Variants in PPP1R21 observed in about 807,000 individuals in gnomAD.
PPP1R21 encodes the protein protein phosphatase 1 regulatory subunit 21.
In PPP1R21, 85 loss-of-function variants were observed where a neutral mutation model predicts 112.8. The ratio of observed to expected loss-of-function variants is 0.75; its 90% confidence interval spans 0.63 to 0.90. PPP1R21 has a LOEUF of 0.90. Ranked by LOEUF, PPP1R21 falls within the 40% of genes least tolerant of loss-of-function variation. PPP1R21 has a pLI of 0.00. For missense variants in PPP1R21, 1,199 were observed against 901.5 expected, an observed-to-expected ratio of 1.33 and a Z score of -4.23; for synonymous variants, 381 against 322.3, an observed-to-expected ratio of 1.18 and a Z score of -1.95.
intron 9 of PPP1R21, 63 bp from the exon 10 acceptor site, chr2:48,471,024 G>C (rs1668473319): frequency 1.7e-6 from 2 of 1,154,584 alleles, no homozygotes; most frequent in Non-Finnish European, 2.6e-6. Context: ...GGTCCATTTA[G>C]AAATGTGTTG....
At chr2:48,447,125 A>G (rs1326037615) in intron 1 of PPP1R21, among the ~76,000 whole-genome samples, 1 of 152,226 alleles carries the variant, frequency 6.6e-6, no homozygotes, top group Non-Finnish European at 1.5e-5. Context: ...GAATAGTTTA[A>G]TTTTAAAGAG....
chr2:48,447,856 A>C (rs1667315728), intron 1 of PPP1R21, among the ~76,000 whole-genome samples: 3 of 152,180 alleles, frequency 2.0e-5, no homozygotes, highest in Admixed American at 6.5e-5. Flanking sequence ...AGGCTGAGGC[A>C]GGAGAATCGC....
chr2:48,514,280 G>T (rs545888715), intron 21 of PPP1R21, among the ~76,000 whole-genome samples: 1 of 152,088 alleles, frequency 6.6e-6, no homozygotes, highest in East Asian at 1.9e-4. Context: ...TAGAGACGGG[G>T]TTTCACCATG....
chr2:48,479,719 A>G (rs1668920092), intron 12 of PPP1R21, among the ~76,000 whole-genome samples: 1 of 152,224 alleles, frequency 6.6e-6, no homozygotes, highest in South Asian at 2.1e-4. Context: ...ATTAAAAAAT[A>G]TTTGTGGACA....
intron 3 of PPP1R21, among the ~76,000 whole-genome samples, chr2:48,455,300 C>T (rs1253605218): frequency 1.3e-5 from 2 of 152,026 alleles, no homozygotes; most frequent in Non-Finnish European, 2.9e-5. Flanking sequence ...GCATGTGGCA[C>T]TCCCAGCTAA....
intron 9 of PPP1R21, among the ~76,000 whole-genome samples, chr2:48,470,705 G>T (rs1304962192): frequency 1.3e-5 from 2 of 151,998 alleles, no homozygotes; most frequent in Non-Finnish European, 2.9e-5. Context: ...TTGTTTGTTT[G>T]TTTTTATACT....
chr2:48,494,778 T>C (rs1335294743), intron 15 of PPP1R21, among the ~76,000 whole-genome samples: 2 of 152,156 alleles, frequency 1.3e-5, no homozygotes, highest in African/African-American at 4.8e-5. Flanking sequence ...AGTGCAGTGA[T>C]GCAATCTCTG....
chr2:48,455,958 C>T (rs1003924048), intron 3 of PPP1R21, among the ~76,000 whole-genome samples: 4 of 140,092 alleles, frequency 2.9e-5, no homozygotes, highest in Non-Finnish European at 6.0e-5. Context: ...GAGTTTGCAG[C>T]GAGCCGAGAT....
At chr2:48,464,914 T>G in intron 7 of PPP1R21, 23 bp from the exon 8 acceptor site, 1 of 1,550,234 alleles carries the variant, frequency 6.5e-7, no homozygotes, top group South Asian at 1.2e-5. Context: ...AGAGACTTAA[T>G]GTACATTATT....
intron 16 of PPP1R21, 58 bp from the exon 17 acceptor site, chr2:48,498,435 G>T: frequency 1.3e-6 from 2 of 1,573,620 alleles, no homozygotes; most frequent in South Asian, 2.3e-5. Flanking sequence ...ATAGTTTTTG[G>T]GCCACTAAGG....
chr2:48,478,642 C>G (rs137880862), intron 12 of PPP1R21, among the ~76,000 whole-genome samples: 15 of 152,202 alleles, frequency 9.9e-5, no homozygotes, highest in Admixed American at 6.5e-4. Flanking sequence ...CTAGTGTACA[C>G]CTAGCAGGTA....
intron 12 of PPP1R21, among the ~76,000 whole-genome samples, chr2:48,477,504 A>C (rs1668811343): frequency 6.6e-6 from 1 of 152,062 alleles, no homozygotes; most frequent in Admixed American, 6.6e-5. Context: ...TTCCTTATTG[A>C]ATGGTCTGGG....
rs1667999585 is a variant in PPP1R21 at position 48,462,012 on chromosome 2, C to T, written c.694+780C>T. 2.0e-5 allele frequency among the ~76,000 whole-genome samples: 3 copies of T among 152,126 alleles called. No homozygotes were observed. The South Asian group carries it at 6.2e-4, about 31-fold the overall frequency. Reference sequence around the variant, plus strand: ...TATTGTATCAAAAATTTAAATTCCCCTTTGAAAATAACACCTGCTTCTAGC... The same window carrying T: ...TATTGTATCAAAAATTTAAATTCCCTTTTGAAAATAACACCTGCTTCTAGC... On this transcript the variant is annotated intron_variant, in intron 7 of 21. Transcript: ENST00000294952.
At chr2:48,478,527 C>T (rs1668858407) in intron 12 of PPP1R21, among the ~76,000 whole-genome samples, 1 of 152,180 alleles carries the variant, frequency 6.6e-6, no homozygotes, top group African/African-American at 2.4e-5. Context: ...TTAAGCTCTG[C>T]TGATTGCTGA....
intron 18 of PPP1R21, among the ~76,000 whole-genome samples, chr2:48,506,697 G>A (rs532081845): frequency 6.6e-6 from 1 of 152,204 alleles, no homozygotes; most frequent in African/African-American, 2.4e-5. Context: ...TGTAATCCCA[G>A]CACTTTGGGA....
chr2:48,446,912 G>T (rs564101742), intron 1 of PPP1R21, among the ~76,000 whole-genome samples: 5 of 151,926 alleles, frequency 3.3e-5, no homozygotes, highest in Non-Finnish European at 1.5e-5. Context: ...CACCATGCCC[G>T]GCTAATTTTT....
At chr2:48,461,810 CT>C (rs150262522) in intron 7 of PPP1R21, among the ~76,000 whole-genome samples, 4,428 of 152,094 alleles carry the variant, frequency 0.029, 199 homozygotes, top group African/African-American at 0.1. Context: ...AAAATATTTG[CT>C]TGTTTGGATT....
At chr2:48,494,045 G>A (rs1416733958) in intron 15 of PPP1R21, among the ~76,000 whole-genome samples, 4 of 117,694 alleles carry the variant, frequency 3.4e-5, no homozygotes, top group Non-Finnish European at 5.0e-5. Flanking sequence ...AACATAGGGA[G>A]ACCTCGTCTC....
intron 3 of PPP1R21, among the ~76,000 whole-genome samples, chr2:48,457,009 A>G (rs897814833): frequency 2.0e-5 from 3 of 151,882 alleles, no homozygotes; most frequent in African/African-American, 7.3e-5. Context: ...CCGAGATCAC[A>G]CCATTGCACT....
Sources: gnomAD v4.1 joint callset for allele counts (sites outside exome capture counted in the v4.1 genomes callset) on GRCh38, gnomAD v4.1.1 for gene constraint, MANE v1.5 for transcripts, NCBI Gene and HGNC (gene_info 2026-07-23, HGNC 2026-07-21) for gene names.